The following RAD54L2 variants were observed in gnomAD, a reference collection of about 807,000 sequenced individuals.
RAD54L2 encodes RAD54 like 2, also known as helicase ARIP4.
Under a neutral mutation model 138.4 loss-of-function variants are expected in RAD54L2, and 27 were observed. The observed-to-expected ratio is 0.20, with a 90% CI of 0.14 to 0.27. The LOEUF (loss-of-function observed/expected upper bound fraction) is 0.27. RAD54L2 is among the 10% of genes least tolerant of loss of function. The pLI, the probability that RAD54L2 is intolerant of heterozygous loss-of-function variation, is 1.00. For missense variants in RAD54L2, 1,396 were observed against 1,890.2 expected (o/e 0.74, Z 4.85); for synonymous variants, 644 against 723.2 (o/e 0.89, Z 1.76).
At chr3:51,556,493 C>T (rs942043877) in intron 2 of RAD54L2, among the ~76,000 whole-genome samples, 6 of 152,150 alleles carry the variant, frequency 3.9e-5, no homozygotes, top group African/African-American at 7.2e-5. Flanking sequence ...AGTGATCCTC[C>T]TGCCTTGGCC....
At chr3:51,581,220 A>C (rs1577401624) in intron 2 of RAD54L2, among the ~76,000 whole-genome samples, 1 of 152,178 alleles carries the variant, frequency 6.6e-6, no homozygotes, top group South Asian at 2.1e-4. Context: ...GCCTCAGTCT[A>C]CCAGGTTGCT....
intron 2 of RAD54L2, among the ~76,000 whole-genome samples, chr3:51,556,939 G>A (rs922207606): frequency 3.3e-5 from 5 of 152,050 alleles, no homozygotes; most frequent in African/African-American, 1.2e-4. Flanking sequence ...CAATATCTCT[G>A]AGGTGAGTTC....
rs1207944674 is a variant in RAD54L2, at chr3:51,668,614, A to G, written c.*5194A>G. Reference sequence around the variant, plus strand: ...CAATTGTAAGTCAGTATAACTGCCTATCAGTTTTCTTTATTTCTCTTTTTG... The same window carrying G: ...CAATTGTAAGTCAGTATAACTGCCTGTCAGTTTTCTTTATTTCTCTTTTTG... On this transcript the variant is annotated 3_prime_UTR_variant, in exon 23 of 23. Transcript: ENST00000684192. 2.0e-5 allele frequency: 3 copies of G among 152,268 alleles called. No homozygotes were observed. Among genetic ancestry groups the G allele is most frequent in the African/African-American group, 7.2e-5 (3 of 41,474 alleles). 9.4% of individuals were successfully genotyped at this position (152,268 alleles called of 1,614,324 possible). A position where few individuals can be genotyped will look rare whatever the true frequency, so the allele number is the denominator to read the frequency against.
intron 3 of RAD54L2, among the ~76,000 whole-genome samples, chr3:51,597,025 C>T (rs375161504): frequency 3.3e-5 from 5 of 151,776 alleles, no homozygotes; most frequent in East Asian, 1.9e-4. Flanking sequence ...ATTAGCCGGG[C>T]GTGGTGGCAG....
At chr3:51,610,181 G>A (rs1240939613) in intron 3 of RAD54L2, among the ~76,000 whole-genome samples, 1 of 152,002 alleles carries the variant, frequency 6.6e-6, no homozygotes, top group Admixed American at 6.6e-5. Flanking sequence ...GGAGGGAGAA[G>A]CGATGTGATT....
chr3:51,559,837 C>T (rs1699057930), intron 2 of RAD54L2, among the ~76,000 whole-genome samples: 1 of 152,212 alleles, frequency 6.6e-6, no homozygotes, highest in South Asian at 2.1e-4. Flanking sequence ...AGCCAACGTA[C>T]TGATAAGTAC....
chr3:51,587,112 T>A (rs1290689994), intron 2 of RAD54L2, among the ~76,000 whole-genome samples: 1 of 152,064 alleles, frequency 6.6e-6, no homozygotes, highest in African/African-American at 2.4e-5. Flanking sequence ...TCTTTTTTTT[T>A]TTCTCGAGAT....
intron 2 of RAD54L2, among the ~76,000 whole-genome samples, chr3:51,582,815 G>C (rs1418978771): frequency 2.0e-4 from 31 of 151,648 alleles, no homozygotes. Flanking sequence ...CCGGACTGCG[G>C]ACTGCAGTGG....
intron 2 of RAD54L2, among the ~76,000 whole-genome samples, chr3:51,558,130 G>A (rs1220333212): frequency 6.6e-6 from 1 of 152,022 alleles, no homozygotes; most frequent in Non-Finnish European, 1.5e-5. Context: ...ACAGGTGTGA[G>A]CCACCGCCCC....
intron 3 of RAD54L2, among the ~76,000 whole-genome samples, chr3:51,604,467 A>T (rs1286376302): frequency 6.6e-6 from 1 of 152,042 alleles, no homozygotes; most frequent in Non-Finnish European, 1.5e-5. Flanking sequence ...GCTTTCAGGG[A>T]AATGGGAGTA....
chr3:51,548,009 A>G (rs1698740846), intron 2 of RAD54L2, among the ~76,000 whole-genome samples: 1 of 151,676 alleles, frequency 6.6e-6, no homozygotes, highest in Non-Finnish European at 1.5e-5. Flanking sequence ...CTCCTGCCTC[A>G]GCCTTCCAAG....
At chr3:51,602,811 G>A (rs1700105427) in intron 3 of RAD54L2, among the ~76,000 whole-genome samples, 2 of 152,152 alleles carry the variant, frequency 1.3e-5, no homozygotes, top group South Asian at 4.1e-4. Context: ...TGGTAAACAA[G>A]TATATAAACA....
In RAD54L2 at chr3:51,639,878, C is replaced by T; in HGVS notation, c.2113-3C>T. On this transcript the variant is annotated splice_region_variant and splice_polypyrimidine_tract_variant and intron_variant, in intron 13 of 22. Transcript: ENST00000684192. ...TCTAAGCTGCCTTGTTTCTCTCTTG[C>T]AGGCCAAGGACCTTCTGACTAATTA... The T allele has an allele frequency of 6.3e-7, 1 of 1,589,250 alleles. No homozygotes were observed. The highest frequency in any genetic ancestry group is 8.6e-7 in the Non-Finnish European group (1 of 1,161,174).
chr3:51,562,417 A>G (rs951237672), intron 2 of RAD54L2, among the ~76,000 whole-genome samples: 1 of 152,020 alleles, frequency 6.6e-6, no homozygotes, highest in African/African-American at 2.4e-5. Flanking sequence ...TATTTAGTAG[A>G]GACTAAATAA....
At position 51,663,854 on chromosome 3, in the gene RAD54L2, AG is replaced by A. The variant is rs1210824359; in HGVS notation, c.*435del. 1 of 151,870 alleles carries A rather than the reference AG, an allele frequency of 6.6e-6. No homozygotes were observed. The allele number at this position is 151,870 out of a possible 1,614,324, so 9.4% of individuals were successfully genotyped here. On this transcript the variant is annotated 3_prime_UTR_variant, in exon 23 of 23. Coordinates refer to ENST00000684192, the MANE Select transcript of RAD54L2 (RefSeq NM_015106.4). Reference sequence around the variant, plus strand: ...AGTGAAGGAAGGGAGAATGAGTGAGAGAAGGAGGGTGGGTAGGGGGAGCAGA... The same window carrying A: ...AGTGAAGGAAGGGAGAATGAGTGAGAAAGGAGGGTGGGTAGGGGGAGCAGA...
chr3:51,588,185 CAAAAAAAAAA>C (rs987919898), intron 2 of RAD54L2, among the ~76,000 whole-genome samples: 1 of 12,714 alleles, frequency 7.9e-5, no homozygotes, highest in Non-Finnish European at 1.6e-4. Flanking sequence ...GACTCCATCT[CAAAAAAAAAA>C]AAAAAAAAAA....
At chr3:51,643,738 TG>T in intron 15 of RAD54L2, 136 bp from the exon 16 acceptor site, 1 of 707,110 alleles carries the variant, frequency 1.4e-6, no homozygotes, top group Non-Finnish European at 2.5e-6. Context: ...TGTAGACCCA[TG>T]ATACGTCCAA....
chr3:51,656,165 C>G lies in RAD54L2; in HGVS notation c.3221C>G (p.Thr1074Arg). The G allele has an allele frequency of 6.2e-7, 1 of 1,605,926 alleles. No individual in the cohort carries two copies. The highest frequency in any genetic ancestry group is 8.5e-7 in the Non-Finnish European group (1 of 1,173,626). Residue 1074 changes from threonine (T) to arginine (R), a missense_variant, in exon 20 of 23, where the codon ACG (threonine) becomes AGG (arginine). Transcript: ENST00000684192. Reference protein sequence around the residue: ...AGVLVQKVVTTTDIVIPGLNS... With the variant: ...AGVLVQKVVTRTDIVIPGLNS... ...GTCCTTGTGCAGAAGGTGGTCACCA[C>G]GACAGGTGGGAACTCCTGGGCTCTG...
intron 2 of RAD54L2, among the ~76,000 whole-genome samples, chr3:51,578,142 C>A (rs1377006106): frequency 6.6e-6 from 1 of 151,666 alleles, no homozygotes; most frequent in Non-Finnish European, 1.5e-5. Context: ...ACACTCCCCC[C>A]CTGCCCCACC....
Sources: allele counts gnomAD v4.1 joint callset (sites outside exome capture counted in the v4.1 genomes callset), GRCh38; gene constraint gnomAD v4.1.1; transcripts MANE v1.5; gene names NCBI Gene and HGNC (gene_info 2026-07-23, HGNC 2026-07-21).